Variants in COL6A3 observed in about 807,000 individuals in gnomAD.
The protein encoded by COL6A3 is collagen type VI alpha 3 chain.
A neutral mutation model predicts 274.1 loss-of-function variants in COL6A3; 137 were observed. The observed-to-expected ratio is 0.50, with a 90% CI of 0.44 to 0.58. The LOEUF is 0.58. Ranked by LOEUF, COL6A3 falls within the 20% of genes least tolerant of loss-of-function variation. The pLI is 0.00. For synonymous variants in COL6A3, 1,650 were observed against 1,650.6 expected, an observed-to-expected ratio of 1.00 and a Z score of 0.01; for missense variants, 3,950 against 4,124.9, an observed-to-expected ratio of 0.96 and a Z score of 1.16.
intron 21 of COL6A3, 41 bp downstream of exon 21, chr2:237,358,480 C>T (rs1184115693): frequency 6.5e-7 from 1 of 1,547,730 alleles, no homozygotes; most frequent in South Asian, 1.1e-5. Context: ...AACCCTCTTC[C>T]CCAGGCTCAG....
At chr2:237,403,741 G>C (rs562309188) in intron 1 of COL6A3, among the ~76,000 whole-genome samples, 2 of 151,998 alleles carry the variant, frequency 1.3e-5, no homozygotes, top group African/African-American at 4.8e-5. Context: ...CTTTAGCCCG[G>C]TCGCAGCACA....
chr2:237,343,320 C>T (rs1389162932), intron 36 of COL6A3: 1 of 146,454 alleles, frequency 6.8e-6, no homozygotes, highest in East Asian at 2.0e-4. Context: ...TATGGTGAAA[C>T]CCCCGTCTCT....
chr2:237,327,691 A>G (rs1323798302), intron 42 of COL6A3: 1 of 152,206 alleles, frequency 6.6e-6, no homozygotes, highest in Non-Finnish European at 1.5e-5. Context: ...GTACTTCTCT[A>G]CTTCTGAAGC....
At chr2:237,373,698 T>G (rs1317420208) in intron 8 of COL6A3, among the ~76,000 whole-genome samples, 2 of 151,164 alleles carry the variant, frequency 1.3e-5, no homozygotes, top group Non-Finnish European at 2.9e-5. Flanking sequence ...CCTTCGCCAC[T>G]GTGAACCCCC....
intron 32 of COL6A3, 86 bp from the exon 33 acceptor site, chr2:237,345,299 C>A: frequency 7.3e-7 from 1 of 1,360,908 alleles, no homozygotes; most frequent in South Asian, 1.2e-5. Flanking sequence ...ATACACAGAG[C>A]AAGACAAAGG....
In COL6A3 at chr2:237,334,809, C is replaced by CG; in HGVS notation, c.9045dup (p.Gly3016ArgfsTer6). On this transcript the variant is annotated frameshift_variant, in exon 41 of 44. Coordinates refer to ENST00000295550, the MANE Select transcript of COL6A3 (RefSeq NM_004369.4). LOFTEE classifies it high-confidence loss of function. ...ACGGTGAGGTCATAAAAATAAGGAC[C>CG]GGGGGGCTCAGCCCTCTCCCAGTGG... is the stretch of plus-strand genomic sequence containing the variant. 6.2e-7 allele frequency: 1 copy of CG among 1,614,046 alleles called. No homozygotes were observed. Among genetic ancestry groups the CG allele is most frequent in the South Asian group, 1.1e-5 (1 of 91,082 alleles).
chr2:237,343,214 T>G (rs1248498342), intron 36 of COL6A3: 2 of 151,832 alleles, frequency 1.3e-5, no homozygotes, highest in Non-Finnish European at 2.9e-5. Context: ...TTAAACTAGT[T>G]GTCTGGGTGC....
In COL6A3 at chr2:237,333,855, C is replaced by A. The variant is rs76014362; in HGVS notation, c.9230-307G>T. Among the ~76,000 whole-genome samples, 1,140 of 152,248 alleles carry A rather than the reference C, an allele frequency of 7.5e-3. 15 individuals carry two copies. Among genetic ancestry groups the A allele is most frequent in the African/African-American group, 0.026 (1,060 of 41,522 alleles). Reference sequence around the variant, plus strand: ...CCCTAGGGTTGACTGGGTCTTTGGACTCATATCTCTATGGGCCTAATCCAT... The same window carrying A: ...CCCTAGGGTTGACTGGGTCTTTGGAATCATATCTCTATGGGCCTAATCCAT... On this transcript the variant is annotated intron_variant, in intron 41 of 43. Transcript: ENST00000295550.
chr2:237,350,272 GC>G, intron 27 of COL6A3, 63 bp from the exon 28 acceptor site: 1 of 1,518,422 alleles, frequency 6.6e-7, no homozygotes. Context: ...GTGATGCCAA[GC>G]CATGCTTTTG....
intron 1 of COL6A3, among the ~76,000 whole-genome samples, chr2:237,409,165 T>C (rs2106406998): frequency 6.6e-6 from 1 of 152,280 alleles, no homozygotes; most frequent in Admixed American, 6.5e-5. Context: ...GGAGAAACCA[T>C]CCACCAAGGT....
rs922629653 is a variant in COL6A3, at chr2:237,374,974, G to A, written c.3117C>T (p.Gly1039=). ...DVVFLLDGSE[G]VRSGFPLLKE... ...TCAACAGAGGGAAGCCGCTCCTGAC[G>A]CCCTCAGAGCCATCAAGCAGAAACA... The change falls in exon 8 of 44, where the codon GGC becomes GGT. Residue 1039 remains glycine (G), a synonymous_variant. Transcript: ENST00000295550. The surrounding 1 kb of genome is among the most constrained non-coding windows in gnomAD (Gnocchi z 4.8). 9 of 1,613,802 alleles carry A rather than the reference G, an allele frequency of 5.6e-6. No individual in the cohort carries two copies. The highest frequency in any genetic ancestry group is 5.5e-5 in the South Asian group (5 of 91,058).
intron 3 of COL6A3, among the ~76,000 whole-genome samples, chr2:237,388,423 G>C (rs540834338): frequency 6.6e-6 from 1 of 152,298 alleles, no homozygotes; most frequent in Non-Finnish European, 1.5e-5. Context: ...TTTTTCATTT[G>C]TGCCATCCTC....
chr2:237,393,668 A>G (rs145949128), intron 3 of COL6A3, among the ~76,000 whole-genome samples: 2 of 152,144 alleles, frequency 1.3e-5, no homozygotes, highest in Admixed American at 1.3e-4. Flanking sequence ...TGCTCTGCCC[A>G]TCGCTGATGA....
At chr2:237,330,344 G>GC (rs1346539872) in intron 42 of COL6A3, among the ~76,000 whole-genome samples, 3 of 151,948 alleles carry the variant, frequency 2.0e-5, no homozygotes, top group Non-Finnish European at 4.4e-5. Flanking sequence ...CTTTCAGGAG[G>GC]CCACGGTAAC....
chr2:237,384,853 A>T (rs533703223), intron 4 of COL6A3, among the ~76,000 whole-genome samples: 1 of 151,964 alleles, frequency 6.6e-6, no homozygotes, highest in Non-Finnish European at 1.5e-5. Context: ...ATCCCCCTAC[A>T]GCAGCTGCTT....
chr2:237,366,049 A>G lies in COL6A3; in HGVS notation c.5501-14T>C. ...CCAGATTACAAGCTGGAAAGGAGAA[A>G]TGCAGGTGATGAGTTCTCAGCTGGG... On this transcript the variant is annotated splice_polypyrimidine_tract_variant and intron_variant, in intron 11 of 43. Coordinates refer to ENST00000295550, the MANE Select transcript of COL6A3 (RefSeq NM_004369.4). 1 of 1,610,350 alleles carries G rather than the reference A, an allele frequency of 6.2e-7. No homozygotes were observed. Among genetic ancestry groups the G allele is most frequent in the Middle Eastern group, 1.7e-4 (1 of 6,034 alleles).
chr2:237,373,990 T>G (rs987820914), intron 8 of COL6A3, among the ~76,000 whole-genome samples: 3 of 152,230 alleles, frequency 2.0e-5, no homozygotes, highest in Non-Finnish European at 2.9e-5. Flanking sequence ...ATGTCCCAGC[T>G]TGCAGAGTGT....
chr2:237,394,904 G>A lies in COL6A3; in HGVS notation c.392C>T (p.Thr131Ile), dbSNP rs2106388347. 1 of 1,612,268 alleles carries A rather than the reference G, an allele frequency of 6.2e-7. No homozygotes were observed. The highest frequency in any genetic ancestry group is 8.5e-7 in the Non-Finnish European group (1 of 1,178,388). The part of the protein sequence containing the change: ...GLEYIMQSHL[T>I]KAAGSRAGDG... ...ACCGGCCCGGCTTCCAGCAGCCTTG[G>A]TGAGGTGGCTTTGCATTATGTATTC... Residue 131 changes from threonine to isoleucine, a missense_variant, in exon 3 of 44, where the codon ACC becomes ATC. Transcript: ENST00000295550.
In COL6A3 at chr2:237,374,168, A is replaced by C. The variant is rs1321982707; in HGVS notation, c.3679+244T>G. On this transcript the variant is annotated intron_variant, in intron 8 of 43. Transcript: ENST00000295550. The surrounding 1 kb of genome is among the most constrained non-coding windows in gnomAD (Gnocchi z 4.8). ...GAGTCCTGAATTCCAAGCTGCACAT[A>C]TGTCCCTTTTGGAGAATTTAATTTG... Among the ~76,000 whole-genome samples, 1 of 152,204 alleles carries C rather than the reference A, an allele frequency of 6.6e-6. No homozygotes were observed. The highest frequency in any genetic ancestry group is 6.5e-5 in the Admixed American group (1 of 15,280).
Sources: gnomAD v4.1 joint callset for allele counts (sites outside exome capture counted in the v4.1 genomes callset) on GRCh38, gnomAD v4.1.1 for gene constraint, Gnocchi (gnomAD v3.1) non-coding constraint, MANE v1.5 for transcripts, NCBI Gene and HGNC (gene_info 2026-07-23, HGNC 2026-07-21) for gene names.